Variants in MAN1A1 observed in about 807,000 individuals in gnomAD.
MAN1A1 encodes mannosyl-oligosaccharide 1,2-alpha-mannosidase IA.
Under a neutral mutation model 70.8 loss-of-function variants are expected in MAN1A1, and 29 were observed. The ratio of observed to expected loss-of-function variants is 0.41; its 90% CI spans 0.31 to 0.56. The LOEUF (loss-of-function observed/expected upper bound fraction) is 0.56. Ranked by LOEUF, MAN1A1 falls within the 20% of genes least tolerant of loss-of-function variation. The pLI, the probability that MAN1A1 is intolerant of heterozygous loss-of-function variation, is 0.29. For synonymous variants in MAN1A1, 349 were observed against 330.1 expected (o/e 1.06, Z -0.62); for missense variants, 747 against 841.3 (o/e 0.89, Z 1.39).
intron 2 of MAN1A1, among the ~76,000 whole-genome samples, chr6:119,335,559 T>A (rs1773429195): frequency 6.6e-6 from 1 of 152,182 alleles, no homozygotes. Flanking sequence ...GTGTCCCCAC[T>A]TCTAGGGTGT....
intron 6 of MAN1A1, among the ~76,000 whole-genome samples, chr6:119,220,050 A>G (rs1293864476): frequency 6.6e-6 from 1 of 152,136 alleles, no homozygotes; most frequent in Non-Finnish European, 1.5e-5. Context: ...CATGCACAGG[A>G]AATTAATAAA....
chr6:119,333,223 C>G (rs1189021507), intron 2 of MAN1A1, among the ~76,000 whole-genome samples: 1 of 152,184 alleles, frequency 6.6e-6, no homozygotes, highest in Non-Finnish European at 1.5e-5. Flanking sequence ...CACAAATATG[C>G]TAACTAATCA....
At chr6:119,264,516 G>A (rs1034167791) in intron 5 of MAN1A1, among the ~76,000 whole-genome samples, 7 of 152,186 alleles carry the variant, frequency 4.6e-5, no homozygotes, top group Admixed American at 6.5e-5. Context: ...ATATTTAAGA[G>A]TAAATAGGAC....
intron 2 of MAN1A1, among the ~76,000 whole-genome samples, chr6:119,310,219 A>G (rs1002412723): frequency 2.0e-5 from 3 of 152,244 alleles, no homozygotes; most frequent in Admixed American, 6.5e-5. Flanking sequence ...CATATCTTGC[A>G]TATTTATTGC....
chr6:119,266,231 T>C (rs1391451192), intron 5 of MAN1A1, among the ~76,000 whole-genome samples: 2 of 152,194 alleles, frequency 1.3e-5, no homozygotes, highest in African/African-American at 2.4e-5. Context: ...GCAAGTTATT[T>C]TGTAGACACA....
chr6:119,301,620 T>C (rs1772391214), intron 4 of MAN1A1, among the ~76,000 whole-genome samples: 1 of 152,176 alleles, frequency 6.6e-6, no homozygotes, highest in Non-Finnish European at 1.5e-5. Context: ...GAATCACAGC[T>C]CTTGACACAC....
At chr6:119,235,550 GAGA>G (rs1483096023) in intron 6 of MAN1A1, among the ~76,000 whole-genome samples, 1 of 152,228 alleles carries the variant, frequency 6.6e-6, no homozygotes, top group Non-Finnish European at 1.5e-5. Context: ...TGAAGGTGAA[GAGA>G]AGAAGCTGTC....
intron 6 of MAN1A1, among the ~76,000 whole-genome samples, 192 bp downstream of exon 6, chr6:119,248,068 T>A (rs1775216913): frequency 6.6e-6 from 1 of 152,128 alleles, no homozygotes; most frequent in South Asian, 2.1e-4. Context: ...CATCCCACAA[T>A]GGGGACATAT....
chr6:119,299,097 GA>G (rs2114435380), intron 4 of MAN1A1, among the ~76,000 whole-genome samples: 1 of 150,850 alleles, frequency 6.6e-6, no homozygotes, highest in South Asian at 2.1e-4. Context: ...GTTTTTTGAA[GA>G]AAAATCCTGT....
At chr6:119,273,071 G>A (rs907660634) in intron 5 of MAN1A1, among the ~76,000 whole-genome samples, 10 of 152,242 alleles carry the variant, frequency 6.6e-5, no homozygotes, top group African/African-American at 2.4e-4. Context: ...TTTATAAGCT[G>A]AATTCTAGTA....
intron 9 of MAN1A1, among the ~76,000 whole-genome samples, chr6:119,192,088 T>C (rs866239665): frequency 6.6e-6 from 1 of 152,194 alleles, no homozygotes; most frequent in Non-Finnish European, 1.5e-5. Context: ...GAATACAATA[T>C]ACTAAAAGTT....
intron 4 of MAN1A1, among the ~76,000 whole-genome samples, chr6:119,293,866 G>C: frequency 6.6e-6 from 1 of 152,066 alleles, no homozygotes; most frequent in East Asian, 1.9e-4. Context: ...GAAGCCATCT[G>C]AGTTTGAGGT....
chr6:119,328,821 G>T (rs1451654097), intron 2 of MAN1A1, among the ~76,000 whole-genome samples: 1 of 152,188 alleles, frequency 6.6e-6, no homozygotes. Flanking sequence ...TTTGGTTCCT[G>T]AACTGATATT....
chr6:119,348,542 T>A lies in MAN1A1; in HGVS notation c.524A>T (p.Asp175Val). Residue 175 changes from aspartate (D) to valine (V), a missense_variant, in exon 2 of 13, where the codon GAC (aspartate) becomes GTC (valine). Coordinates refer to ENST00000368468, the MANE Select transcript of MAN1A1 (RefSeq NM_005907.4). ...KAPFRGLPPV[D>V]FVPPIGVESR... is the part of the protein sequence containing the mutation. Reference sequence around the variant, plus strand: ...CTCCACCCCGATTGGGGGCACGAAGTCCACCGGGGGCAGGCCTCTGAACGG... The same window carrying A: ...CTCCACCCCGATTGGGGGCACGAAGACCACCGGGGGCAGGCCTCTGAACGG... 1 of 1,613,162 alleles carries A rather than the reference T, an allele frequency of 6.2e-7. No individual in the cohort carries two copies. Among genetic ancestry groups the A allele is most frequent in the Non-Finnish European group, 8.5e-7 (1 of 1,179,656 alleles).
At chr6:119,345,163 A>C (rs2114514030) in intron 2 of MAN1A1, among the ~76,000 whole-genome samples, 1 of 145,038 alleles carries the variant, frequency 6.9e-6, no homozygotes, top group South Asian at 2.3e-4. Flanking sequence ...AGGACAGCAC[A>C]GGCTAATTGA....
At chr6:119,201,521 TA>T (rs1430084733) in intron 7 of MAN1A1, among the ~76,000 whole-genome samples, 174 bp from the exon 8 acceptor site, 2 of 152,206 alleles carry the variant, frequency 1.3e-5, no homozygotes, top group Non-Finnish European at 2.9e-5. Context: ...TCACACTGAT[TA>T]GTTATCTACC....
At chr6:119,211,294 T>C (rs1774043912) in intron 6 of MAN1A1, among the ~76,000 whole-genome samples, 1 of 152,210 alleles carries the variant, frequency 6.6e-6, no homozygotes, top group African/African-American at 2.4e-5. Flanking sequence ...CAGTACAGAC[T>C]TCAGGCTTTT....
Position 119,179,928 on chromosome 6 carries a change from A to T in MAN1A1, c.1853T>A (p.Phe618Tyr). 1.9e-6 allele frequency: 3 copies of T among 1,613,660 alleles called. No homozygotes were observed. The highest frequency in any genetic ancestry group is 2.2e-5 in the South Asian group (2 of 91,068). ...CAGTGGAAGAAGATCGTCGTCAGAA[A>T]ATATTAGGTACAAATATCTGGTGAG... Reference protein sequence around the residue: ...AETLKYLYLIFSDDDLLPLEH... With the variant: ...AETLKYLYLIYSDDDLLPLEH... Residue 618 changes from phenylalanine (F) to tyrosine (Y), a missense_variant, in exon 13 of 13, where the codon TTT (phenylalanine) becomes TAT (tyrosine). Around this residue, in one of 2 missense-constraint regions of MAN1A1, gnomAD observed 419 missense variants for 548.2 expected, o/e 0.76. Transcript: ENST00000368468.
chr6:119,209,481 C>T (rs1019603676), intron 6 of MAN1A1, among the ~76,000 whole-genome samples: 5 of 152,084 alleles, frequency 3.3e-5, no homozygotes, highest in Non-Finnish European at 4.4e-5. Flanking sequence ...CCCTCACATC[C>T]CATACAATTA....
Sources: allele counts gnomAD v4.1 joint callset (sites outside exome capture counted in the v4.1 genomes callset), GRCh38; gene constraint gnomAD v4.1.1; regional missense constraint gnomAD v4.1.1; transcripts MANE v1.5; gene names NCBI Gene and HGNC (gene_info 2026-07-23, HGNC 2026-07-21).